Variants in NUP155 observed in about 807,000 individuals in gnomAD.
NUP155 encodes nuclear pore complex protein Nup155.
Under a neutral mutation model 180.4 loss-of-function variants are expected in NUP155, and 71 were observed. That is an observed-to-expected ratio of 0.39 (90% CI 0.33 to 0.48). NUP155 has a LOEUF of 0.48. NUP155 is among the 20% of genes least tolerant of loss of function. The probability of loss-of-function intolerance (pLI) is 0.91; values close to 1 mark genes in which losing one functional copy is unlikely to be tolerated. For missense variants in NUP155, 1,553 were observed against 1,648.9 expected (o/e 0.94, Z 1.01); for synonymous variants, 582 against 559.5 (o/e 1.04, Z -0.57).
chr5:37,329,195 T>TA lies in NUP155; in HGVS notation c.1807dup (p.Tyr603LeufsTer3). 1 of 1,611,008 alleles carries TA rather than the reference T, an allele frequency of 6.2e-7. No homozygotes were observed. Among genetic ancestry groups the TA allele is most frequent in the Non-Finnish European group, 8.5e-7 (1 of 1,177,216 alleles). The stretch of plus-strand genomic sequence containing the variant: ...TTTCAATGTTCCATACTCACTAGAA[T>TA]AGACAGGAGACCCCAAGATGGGACC... On this transcript the variant is annotated frameshift_variant, in exon 16 of 35. Coordinates refer to ENST00000231498, the MANE Select transcript of NUP155 (RefSeq NM_153485.3). LOFTEE classifies it high-confidence loss of function.
chr5:37,370,736 C>T, intron 1 of NUP155, 85 bp downstream of exon 1: 2 of 1,612,522 alleles, frequency 1.2e-6, no homozygotes, highest in Admixed American at 1.7e-5. Flanking sequence ...ATATCCTCGC[C>T]GGGACCAACG....
intron 31 of NUP155, 88 bp from the exon 32 acceptor site, chr5:37,299,066 A>G (rs1742731428): frequency 2.5e-6 from 2 of 791,326 alleles, no homozygotes; most frequent in South Asian, 2.9e-5. Flanking sequence ...TTCAAGGTTC[A>G]AAATACTTTA....
At chr5:37,295,857 C>A (rs1201368323) in intron 32 of NUP155, among the ~76,000 whole-genome samples, 5 of 144,732 alleles carry the variant, frequency 3.5e-5, no homozygotes, top group African/African-American at 7.8e-5. Flanking sequence ...CCGGCAGCCA[C>A]CCCGTCCGGG....
At position 37,334,207 on chromosome 5, in the gene NUP155, A is replaced by G. The variant is rs530676847; in HGVS notation, c.1348-574T>C. The stretch of plus-strand genomic sequence containing the variant: ...ACCTCGACCTCCCTGGGTTCAGTTG[A>G]TTCTCCCACCTCAACCTCCCAAGTA... On this transcript the variant is annotated intron_variant, in intron 12 of 34. Transcript: ENST00000231498. 5.9e-5 allele frequency among the ~76,000 whole-genome samples: 9 copies of G among 151,510 alleles called. No individual in the cohort carries two copies. In the East Asian group the frequency reaches 1.7e-3, roughly 29 times the overall value.
At chr5:37,313,471 ATATGTGTG>A (rs1271146747) in intron 22 of NUP155, among the ~76,000 whole-genome samples, 1 of 94,438 alleles carries the variant, frequency 1.1e-5, no homozygotes, top group Admixed American at 1.1e-4. Context: ...GGAGTGGTGT[ATATGTGTG>A]TGTGTGTGTG....
At chr5:37,315,813 C>T (rs1743847499) in intron 21 of NUP155, among the ~76,000 whole-genome samples, 1 of 152,140 alleles carries the variant, frequency 6.6e-6, no homozygotes, top group South Asian at 2.1e-4. Flanking sequence ...TGTGGTGACA[C>T]ATGCCTGTAA....
intron 4 of NUP155, among the ~76,000 whole-genome samples, chr5:37,354,545 T>C (rs907373142): frequency 1.3e-5 from 2 of 150,804 alleles, no homozygotes; most frequent in Non-Finnish European, 3.0e-5. Context: ...TGCAGCCTTG[T>C]CCTCCTATGC....
chr5:37,312,088 A>G (rs932681982), intron 22 of NUP155, among the ~76,000 whole-genome samples: 2 of 152,220 alleles, frequency 1.3e-5, no homozygotes, highest in African/African-American at 4.8e-5. Context: ...ATGAAATAAT[A>G]AATTCCAGCA....
chr5:37,289,483 A>G lies in NUP155; in HGVS notation c.*2417T>C, dbSNP rs555885618. ...ATCCGGCTGATTGTTCTGAATGTGA[A>G]AGTTTTAGAAACACTGTTCCAAGGG... On this transcript the variant is annotated 3_prime_UTR_variant, in exon 35 of 35. Coordinates refer to ENST00000231498, the MANE Select transcript of NUP155 (RefSeq NM_153485.3). 4 of 152,330 alleles carry G rather than the reference A, an allele frequency of 2.6e-5. No individual in the cohort carries two copies. In the South Asian group the frequency reaches 8.3e-4, roughly 32 times the overall value. 9.4% of individuals were successfully genotyped at this position (152,330 alleles called of 1,614,324 possible). A position where few individuals can be genotyped will look rare whatever the true frequency, so the allele number is the denominator to read the frequency against.
At chr5:37,317,432 G>A (rs1405858175) in intron 21 of NUP155, among the ~76,000 whole-genome samples, 2 of 151,532 alleles carry the variant, frequency 1.3e-5, no homozygotes, top group African/African-American at 4.8e-5. Flanking sequence ...AGGTTGCAGT[G>A]AGCCAAGATC....
rs73066499 is a variant in NUP155, at chr5:37,299,060, A to G, written c.3683-82T>C. The G allele has an allele frequency of 7.1e-3, 5,867 of 826,456 alleles. 227 individuals carry two copies. In the African/African-American group the frequency reaches 0.087, roughly 12 times the overall value. 51.2% of individuals were successfully genotyped at this position (826,456 alleles called of 1,614,324 possible). On this transcript the variant is annotated intron_variant, in intron 31 of 34. Coordinates refer to ENST00000231498, the MANE Select transcript of NUP155 (RefSeq NM_153485.3). ...ACATTGGTTATTTAATTCTGTTTCA[A>G]GGTTCAAAATACTTTAGAACAGATA...
rs1390500658 is a variant in NUP155, at chr5:37,341,214, T to A, written c.1122A>T (p.Pro374=). Residue 374 remains proline, a synonymous_variant, in exon 11 of 35, where the codon CCA becomes CCT. Coordinates refer to ENST00000231498, the MANE Select transcript of NUP155 (RefSeq NM_153485.3). ...TAGGCCGTGCTAATGGCTGTCTGAA[T>A]GGACAAGTGCTAAAATATAACCTAA... ...AGVRLYFSTC[P]FRQPLARPNT... is the part of the protein sequence containing the mutation. 1 of 1,614,078 alleles carries A rather than the reference T, an allele frequency of 6.2e-7. No homozygotes were observed. Among genetic ancestry groups the A allele is most frequent in the Non-Finnish European group, 8.5e-7 (1 of 1,179,932 alleles).
At chr5:37,292,357 A>G (rs1164147549) in intron 34 of NUP155, among the ~76,000 whole-genome samples, 4 of 152,030 alleles carry the variant, frequency 2.6e-5, no homozygotes, top group Non-Finnish European at 4.4e-5. Context: ...CTGGGACTAC[A>G]GGTGCCCGCC....
At chr5:37,336,385 G>T (rs11744730) in intron 12 of NUP155, among the ~76,000 whole-genome samples, 24,203 of 151,818 alleles carry the variant, frequency 0.16, 1,972 homozygotes, top group South Asian at 0.2. Context: ...GGAGGCTGAG[G>T]TGGGAGGACT....
rs1293093646 is a variant in NUP155 at position 37,352,816 on chromosome 5, A to G, written c.477T>C (p.Pro159=). ...CCAAAACCAGGAGGTGTCGCACATG[A>G]GGTTGAAAGATGCCTAAGATAAAGT... ...LVKPKAGIFQ[P]HVRHLLVLAT... Residue 159 remains proline (P), a synonymous_variant, in exon 5 of 35, where the codon CCT becomes CCC. Transcript: ENST00000231498. 1 of 1,612,624 alleles carries G rather than the reference A, an allele frequency of 6.2e-7. No homozygotes were observed. The highest frequency in any genetic ancestry group is 8.5e-7 in the Non-Finnish European group (1 of 1,178,756).
intron 34 of NUP155, 127 bp from the exon 35 acceptor site, chr5:37,292,165 T>C (rs901038595): frequency 1.1e-6 from 1 of 881,748 alleles, no homozygotes. Context: ...ATTAAGTAAA[T>C]AAGAAATAAA....
At chr5:37,350,888 A>G (rs1416318101) in intron 6 of NUP155, among the ~76,000 whole-genome samples, 2 of 152,088 alleles carry the variant, frequency 1.3e-5, no homozygotes, top group African/African-American at 2.4e-5. Context: ...CATATTTGCA[A>G]AAGTGCATTT....
chr5:37,346,893 T>A (rs1746126939), intron 9 of NUP155, among the ~76,000 whole-genome samples: 1 of 152,122 alleles, frequency 6.6e-6, no homozygotes, highest in African/African-American at 2.4e-5. Context: ...CTTGTGTCAA[T>A]AATCAGACCA....
At chr5:37,333,835 G>T (rs556674158) in intron 12 of NUP155, among the ~76,000 whole-genome samples, 1 of 149,492 alleles carries the variant, frequency 6.7e-6, no homozygotes, top group Non-Finnish European at 1.5e-5. Context: ...TTTTTGAGAC[G>T]AAGTTGTCTA....
Sources: allele counts gnomAD v4.1 joint callset (sites outside exome capture counted in the v4.1 genomes callset), GRCh38; gene constraint gnomAD v4.1.1; transcripts MANE v1.5; gene names NCBI Gene and HGNC (gene_info 2026-07-23, HGNC 2026-07-21).